The following BLK variants were observed in gnomAD, a reference collection of about 807,000 sequenced individuals.
BLK encodes tyrosine-protein kinase Blk.
A neutral mutation model predicts 61.8 loss-of-function variants in BLK; 64 were observed. That is an observed-to-expected ratio of 1.03 (90% CI 0.85 to 1.27). The LOEUF (loss-of-function observed/expected upper bound fraction) is 1.27. Ranked by LOEUF, BLK falls within the 50% of genes most tolerant of loss-of-function variation. BLK has a pLI of 0.00. For synonymous variants in BLK, 351 were observed against 272.0 expected, an observed-to-expected ratio of 1.29 and a Z score of -2.86; for missense variants, 853 against 660.5, an observed-to-expected ratio of 1.29 and a Z score of -3.19.
chr8:11,561,478 G>T, intron 11 of BLK, 26 bp downstream of exon 11: 2 of 1,611,106 alleles, frequency 1.2e-6, no homozygotes, highest in Non-Finnish European at 1.7e-6. Flanking sequence ...AACCACAAGG[G>T]AAACCTAGGG....
At chr8:11,517,852 C>G (rs921076144) in intron 1 of BLK, among the ~76,000 whole-genome samples, 2 of 152,216 alleles carry the variant, frequency 1.3e-5, no homozygotes, top group Non-Finnish European at 2.9e-5. Flanking sequence ...GAACCTGAGT[C>G]AAGGGTCACC....
Position 11,560,688 on chromosome 8 carries a change from G to C in BLK, c.1030-614G>C, listed in dbSNP as rs552594219. ...CTTCTTCACAGCCTCTGTCCACCTG[G>C]ATCTGCCAGTGCTCCCTGGGTGCCC... On this transcript the variant is annotated intron_variant, in intron 10 of 12. Coordinates refer to ENST00000259089, the MANE Select transcript of BLK (RefSeq NM_001715.3). 5.2e-3 allele frequency: 1,890 copies of C among 365,272 alleles called. 3 individuals carry two copies. The highest frequency in any genetic ancestry group is 0.017 in the Middle Eastern group (18 of 1,080). 22.6% of individuals were successfully genotyped at this position (365,272 alleles called of 1,614,324 possible). A position where few individuals can be genotyped will look rare whatever the true frequency, so the allele number is the denominator to read the frequency against.
intron 1 of BLK, among the ~76,000 whole-genome samples, chr8:11,499,290 G>T (rs1160810369): frequency 6.6e-6 from 1 of 152,202 alleles, no homozygotes; most frequent in East Asian, 1.9e-4. Context: ...TAGGGGTGGA[G>T]TAGGCTCTAC....
chr8:11,537,657 C>T (rs923416879), intron 1 of BLK, among the ~76,000 whole-genome samples: 3 of 152,134 alleles, frequency 2.0e-5, no homozygotes, highest in Admixed American at 1.3e-4. Context: ...CATGACCTTA[C>T]CAAGCCACCT....
chr8:11,502,859 G>A (rs867764967), intron 1 of BLK, among the ~76,000 whole-genome samples: 14 of 152,284 alleles, frequency 9.2e-5, no homozygotes, highest in Middle Eastern at 3.4e-3. Flanking sequence ...CTTTGTGCTC[G>A]GTGGCAGGGG....
chr8:11,543,396 T>C (rs1563109316), intron 2 of BLK, 49 bp downstream of exon 2: 5 of 1,606,536 alleles, frequency 3.1e-6, no homozygotes, highest in Non-Finnish European at 4.2e-6. Context: ...ACTTCTCCTA[T>C]GCCTTAATGT....
rs1433525554 is a variant in BLK, at chr8:11,520,530, A to T, written c.-1-22694A>T. ...AAGAAAGAAAAAGAAAGAAAAGAAA[A>T]GGAAAAGAAAAAAGAAAAAAGGAAA... On this transcript the variant is annotated intron_variant, in intron 1 of 12. Transcript: ENST00000259089. 2.6e-5 allele frequency among the ~76,000 whole-genome samples: 4 copies of T among 151,366 alleles called. No individual in the cohort carries two copies. The East Asian group carries it at 7.7e-4, about 29-fold the overall frequency.
chr8:11,501,185 C>CA (rs1211178839), intron 1 of BLK, among the ~76,000 whole-genome samples: 2 of 151,934 alleles, frequency 1.3e-5, no homozygotes, highest in Non-Finnish European at 2.9e-5. Flanking sequence ...GCTTGGACGA[C>CA]AGAGTGAAAA....
At chr8:11,551,417 C>G (rs892337496) in intron 6 of BLK, among the ~76,000 whole-genome samples, 1 of 152,232 alleles carries the variant, frequency 6.6e-6, no homozygotes, top group African/African-American at 2.4e-5. Flanking sequence ...CTTGTAAGGA[C>G]ACCTGTCAAT....
chr8:11,503,501 T>C (rs1196910738), intron 1 of BLK, among the ~76,000 whole-genome samples: 1 of 152,176 alleles, frequency 6.6e-6, no homozygotes, highest in East Asian at 1.9e-4. Flanking sequence ...GCTCTATTTT[T>C]TTCTGCTCCA....
chr8:11,555,226 G>T lies in BLK; in HGVS notation c.620-106G>T, dbSNP rs148964686. On this transcript the variant is annotated intron_variant, in intron 7 of 12. Transcript: ENST00000259089. ...GCGTGTGCACACACCCATGCAGGGG[G>T]TGGGGTGGCTGGGGAGTGGAGGGCC... is the stretch of plus-strand genomic sequence containing the variant. 2.1e-4 allele frequency: 299 copies of T among 1,451,322 alleles called. 2 individuals are homozygous for T. In the African/African-American group the frequency reaches 3.5e-3, roughly 17 times the overall value. The allele number at this position is 1,451,322 out of a possible 1,614,324, so 89.9% of individuals were successfully genotyped here.
intron 1 of BLK, among the ~76,000 whole-genome samples, chr8:11,537,997 A>C (rs1279630585): frequency 6.6e-6 from 1 of 150,970 alleles, no homozygotes; most frequent in Non-Finnish European, 1.5e-5. Flanking sequence ...CCTCTTGCTG[A>C]CTCCCCCGAC....
At chr8:11,548,215 A>T in intron 4 of BLK, 90 bp downstream of exon 4, 1 of 1,148,504 alleles carries the variant, frequency 8.7e-7, no homozygotes, top group Non-Finnish European at 1.3e-6. Flanking sequence ...TCCATGGCTG[A>T]CCCTGGAAGT....
At chr8:11,558,694 G>A (rs528117878) in intron 10 of BLK, 46 of 456,262 alleles carry the variant, frequency 1.0e-4, no homozygotes, top group Non-Finnish European at 1.7e-4. Context: ...GAGCAGAGTG[G>A]AGAGGAGGGT....
intron 1 of BLK, among the ~76,000 whole-genome samples, chr8:11,500,057 CCTAT>C (rs1379374062): frequency 6.6e-6 from 1 of 152,166 alleles, no homozygotes; most frequent in Admixed American, 6.5e-5. Context: ...GGATTAGTTC[CCTAT>C]CTGTGTACAA....
chr8:11,519,269 T>C (rs946959983), intron 1 of BLK, among the ~76,000 whole-genome samples: 6 of 152,230 alleles, frequency 3.9e-5, no homozygotes, highest in African/African-American at 1.4e-4. Flanking sequence ...GCTACCTTCA[T>C]GTGGGGCTGC....
intron 1 of BLK, among the ~76,000 whole-genome samples, chr8:11,529,926 T>C (rs2729937): frequency 0.017 from 2,659 of 152,204 alleles, 46 homozygotes; most frequent in African/African-American, 0.047. Flanking sequence ...ACCCCAAAAA[T>C]CAACCAAATA....
chr8:11,513,570 C>A lies in BLK; in HGVS notation c.-2+18979C>A, dbSNP rs924077313. On this transcript the variant is annotated intron_variant, in intron 1 of 12. Coordinates refer to ENST00000259089, the MANE Select transcript of BLK (RefSeq NM_001715.3). ...AGCCCCTGAATGTTAGGGCTGGAGGCAACTCAGAGATCATCCACCCACAGC... is the reference window on the plus strand; with the variant it reads ...AGCCCCTGAATGTTAGGGCTGGAGGAAACTCAGAGATCATCCACCCACAGC... Among the ~76,000 whole-genome samples, 4 of 152,186 alleles carry A rather than the reference C, an allele frequency of 2.6e-5. 1 individual carries two copies. The highest frequency in any genetic ancestry group is 2.6e-4 in the Admixed American group (4 of 15,288).
chr8:11,554,591 G>A (rs557946063), intron 6 of BLK, 152 bp from the exon 7 acceptor site: 1 of 936,466 alleles, frequency 1.1e-6, no homozygotes, highest in South Asian at 1.4e-5. Flanking sequence ...TGGAGGTTGA[G>A]ATGCAGGGAA....
Sources: gnomAD v4.1 joint callset for allele counts (sites outside exome capture counted in the v4.1 genomes callset) on GRCh38, gnomAD v4.1.1 for gene constraint, MANE v1.5 for transcripts, NCBI Gene and HGNC (gene_info 2026-07-23, HGNC 2026-07-21) for gene names.